NRXN1: variants seen among roughly 807,000 people sequenced by gnomAD.
NRXN1 encodes the protein neurexin 1.
Under a neutral mutation model 150.9 loss-of-function variants are expected in NRXN1, and 39 were observed. The observed-to-expected ratio is 0.26, with a 90% CI of 0.20 to 0.34. The LOEUF is 0.34. NRXN1 is among the 10% of genes least tolerant of loss of function. The pLI is 1.00. For missense variants in NRXN1, 1,815 were observed against 1,949.9 expected (o/e 0.93, Z 1.30); for synonymous variants, 924 against 757.0 (o/e 1.22, Z -3.62).
Position 49,920,656 on chromosome 2 carries a change from C to T in NRXN1, c.*1288G>A, listed in dbSNP as rs1304106097. The T allele has an allele frequency of 1.3e-5, 2 of 150,962 alleles. No individual in the cohort carries two copies. The highest frequency in any genetic ancestry group is 4.9e-5 in the African/African-American group (2 of 40,766). The allele number at this position is 150,962 out of a possible 1,614,324, so 9.4% of individuals were successfully genotyped here. On this transcript the variant is annotated 3_prime_UTR_variant, in exon 23 of 23. Transcript: ENST00000401669. ...CAATAAATATTTGCTACTGTATGCA[C>T]GTTTGGATCTTCCAGCATATCTGAT...
intron 18 of NRXN1, among the ~76,000 whole-genome samples, chr2:50,159,339 A>G (rs571884509): frequency 2.0e-5 from 3 of 152,298 alleles, no homozygotes; most frequent in Non-Finnish European, 4.4e-5. Context: ...GGAATTTTAC[A>G]AAGATAATCT....
intron 9 of NRXN1, among the ~76,000 whole-genome samples, chr2:50,552,234 C>G (rs13412763): frequency 0.29 from 44,014 of 151,908 alleles, 6,952 homozygotes; most frequent in East Asian, 0.43. Flanking sequence ...TCGGGTACCT[C>G]CAAACATCCA....
rs71404978 is a variant in NRXN1 at position 50,865,658 on chromosome 2, G to GTTTTTTTTTT, written c.832+56201_832+56210dup. 5.4e-3 allele frequency among the ~76,000 whole-genome samples: 224 copies of GTTTTTTTTTT among 41,864 alleles called. 51 individuals carry two copies. Among genetic ancestry groups the GTTTTTTTTTT allele is most frequent in the Non-Finnish European group, 6.1e-3 (157 of 25,612 alleles). The allele number at this position is 41,864 out of a possible 152,430, so 27.5% of individuals were successfully genotyped here. Reference sequence around the variant, plus strand: ...AGTAATTCCCAGTAAGCATTTGAAAGTTTTTTTTTTTTTTTTTTTTTTTTT... The same window carrying GTTTTTTTTTT: ...AGTAATTCCCAGTAAGCATTTGAAAGTTTTTTTTTTTTTTTTTTTTTTTTTTTTTTTTTTT... On this transcript the variant is annotated intron_variant, in intron 5 of 22. Transcript: ENST00000401669.
intron 12 of NRXN1, among the ~76,000 whole-genome samples, chr2:50,513,472 A>T (rs1215499427): frequency 6.6e-6 from 1 of 152,178 alleles, no homozygotes; most frequent in African/African-American, 2.4e-5. Flanking sequence ...TGGTTATTTA[A>T]TTCCTAAGCA....
chr2:50,962,857 T>C (rs966350864), intron 2 of NRXN1, among the ~76,000 whole-genome samples: 1 of 151,586 alleles, frequency 6.6e-6, no homozygotes, highest in Admixed American at 6.6e-5. Context: ...TCATTATCAG[T>C]CAACCAGCAA....
chr2:50,869,044 T>C (rs1217565144), intron 5 of NRXN1, among the ~76,000 whole-genome samples: 3 of 151,866 alleles, frequency 2.0e-5, no homozygotes, highest in South Asian at 4.1e-4. Flanking sequence ...TTCATGTTCA[T>C]AGTCCAATCC....
intron 21 of NRXN1, among the ~76,000 whole-genome samples, chr2:49,988,626 A>G (rs1302514364): frequency 6.9e-6 from 1 of 145,722 alleles, no homozygotes; most frequent in East Asian, 2.0e-4. Flanking sequence ...TATTAAAAAA[A>G]AAAAAAAAAA....
At chr2:50,701,945 G>A (rs539957645) in intron 5 of NRXN1, among the ~76,000 whole-genome samples, 5 of 151,926 alleles carry the variant, frequency 3.3e-5, no homozygotes, top group South Asian at 4.2e-4. Flanking sequence ...TTGCTTTTTC[G>A]TATATTTGAT....
At chr2:50,360,456 C>G (rs1268473738) in intron 17 of NRXN1, among the ~76,000 whole-genome samples, 1 of 152,132 alleles carries the variant, frequency 6.6e-6, no homozygotes, top group Admixed American at 6.5e-5. Context: ...GGGTTGCAAT[C>G]TTAGTCTCTG....
At chr2:50,525,121 T>A (rs75340440) in intron 12 of NRXN1, among the ~76,000 whole-genome samples, 5 of 152,188 alleles carry the variant, frequency 3.3e-5, no homozygotes, top group Admixed American at 3.3e-4. Context: ...AATGACTTAC[T>A]AAAGTCATTT....
intron 17 of NRXN1, among the ~76,000 whole-genome samples, chr2:50,415,855 A>T (rs2083496287): frequency 6.6e-6 from 1 of 151,552 alleles, no homozygotes; most frequent in African/African-American, 2.4e-5. Flanking sequence ...AAAAAAATAG[A>T]CAAACTCTGT....
chr2:50,228,694 A>G (rs950317153), intron 18 of NRXN1, among the ~76,000 whole-genome samples: 31 of 152,158 alleles, frequency 2.0e-4, no homozygotes, highest in African/African-American at 7.5e-4. Flanking sequence ...AATCAATTAA[A>G]TTTGATCTTT....
At chr2:50,792,088 G>C (rs889805676) in intron 5 of NRXN1, among the ~76,000 whole-genome samples, 1 of 152,066 alleles carries the variant, frequency 6.6e-6, no homozygotes, top group African/African-American at 2.4e-5. Context: ...TTGAAATGTA[G>C]TATATCGGAA....
At chr2:50,640,389 T>A (rs1166050905) in intron 5 of NRXN1, among the ~76,000 whole-genome samples, 2 of 152,160 alleles carry the variant, frequency 1.3e-5, no homozygotes, top group African/African-American at 2.4e-5. Context: ...TTAGATATGA[T>A]CTATGTATAA....
At chr2:50,012,804 AT>A (rs1038939308) in intron 21 of NRXN1, among the ~76,000 whole-genome samples, 32 of 152,076 alleles carry the variant, frequency 2.1e-4, no homozygotes, top group Non-Finnish European at 4.0e-4. Context: ...GGAAAAGTCC[AT>A]TTTTTTTATA....
At position 50,502,443 on chromosome 2, in the gene NRXN1, T is replaced by TACAC. The variant is rs34489394; in HGVS notation, c.2497+4048_2497+4051dup. Among the ~76,000 whole-genome samples, 4 of 151,232 alleles carry TACAC rather than the reference T, an allele frequency of 2.6e-5. No homozygotes were observed. In the East Asian group the frequency reaches 7.8e-4, roughly 30 times the overall value. Reference sequence around the variant, plus strand: ...CTCTTGCACCCACAAAGGGAATAAATACACACACACACGCATACCCACACA... The same window carrying TACAC: ...CTCTTGCACCCACAAAGGGAATAAATACACACACACACACACGCATACCCACACA... On this transcript the variant is annotated intron_variant, in intron 13 of 22. Coordinates refer to ENST00000401669, the MANE Select transcript of NRXN1 (RefSeq NM_001330078.2).
intron 18 of NRXN1, among the ~76,000 whole-genome samples, chr2:50,138,487 C>T (rs1706744142): frequency 6.6e-6 from 1 of 152,142 alleles, no homozygotes; most frequent in South Asian, 2.1e-4. Context: ...AACACTAATT[C>T]TTAAATGCTA....
At chr2:50,157,920 A>T (rs1030744324) in intron 18 of NRXN1, among the ~76,000 whole-genome samples, 3 of 151,790 alleles carry the variant, frequency 2.0e-5, no homozygotes, top group Admixed American at 1.3e-4. Flanking sequence ...AGCTGGGGAT[A>T]TGGATTTAGG....
chr2:50,018,225 T>C (rs929924629), intron 21 of NRXN1, among the ~76,000 whole-genome samples: 1 of 152,190 alleles, frequency 6.6e-6, no homozygotes, highest in African/African-American at 2.4e-5. Flanking sequence ...CTCTAGCATA[T>C]AAGGCTGGAC....
Sources: allele counts gnomAD v4.1 joint callset (sites outside exome capture counted in the v4.1 genomes callset), GRCh38; gene constraint gnomAD v4.1.1; transcripts MANE v1.5; gene names NCBI Gene and HGNC (gene_info 2026-07-23, HGNC 2026-07-21).